Variants in IRAG2 observed in about 807,000 individuals in gnomAD.
The protein encoded by IRAG2 is lymphoid restricted membrane protein.
IRAG2 carries 45 observed loss-of-function variants against 69.9 expected under a neutral mutation model. The observed-to-expected ratio is 0.64, with a 90% CI of 0.51 to 0.83. The LOEUF (loss-of-function observed/expected upper bound fraction) is 0.83. IRAG2 is among the 40% of genes least tolerant of loss of function. The probability of loss-of-function intolerance (pLI) is 0.00; values close to 1 mark genes in which losing one functional copy is unlikely to be tolerated. For synonymous variants in IRAG2, 193 were observed against 202.4 expected, an observed-to-expected ratio of 0.95 and a Z score of 0.40; for missense variants, 520 against 587.0, an observed-to-expected ratio of 0.89 and a Z score of 1.18.
At chr12:25,013,247 C>A (rs532626049) in intron 3 of IRAG2, among the ~76,000 whole-genome samples, 1 of 152,146 alleles carries the variant, frequency 6.6e-6, no homozygotes, top group Non-Finnish European at 1.5e-5. Flanking sequence ...AAGGCCAAGG[C>A]GGGAGCATCA....
chr12:24,999,811 AT>A (rs1433548490), upstream of IRAG2, among the ~76,000 whole-genome samples: 16 of 138,326 alleles, frequency 1.2e-4, no homozygotes, highest in East Asian at 3.2e-3. Context: ...AGGTTGTCAG[AT>A]TTAGCTAAAA....
At chr12:25,004,602 A>G (rs1944416853) in exon 1 of IRAG2, 1 of 1,232,098 alleles carries the variant, frequency 8.1e-7, no homozygotes, top group East Asian at 3.2e-5. Flanking sequence ...CCTTCATTTC[A>G]TCGCCTCAAA....
At chr12:25,005,349 G>A (rs1047432025) in exon 2 of IRAG2, 14 of 1,210,614 alleles carry the variant, frequency 1.2e-5, no homozygotes, top group African/African-American at 4.7e-5. Flanking sequence ...GACATCAAAC[G>A]GAAAGGTAAG....
At chr12:25,037,860 T>C (rs1944714224) in intron 15 of IRAG2, 1 of 396,770 alleles carries the variant, frequency 2.5e-6, no homozygotes, top group Non-Finnish European at 4.4e-6. Context: ...ACATACAGTT[T>C]TGGCATCCAG....
chr12:25,101,386 T>C, intron 16 of IRAG2, 61 bp downstream of exon 16: 1 of 1,211,322 alleles, frequency 8.3e-7, no homozygotes, highest in South Asian at 1.8e-5. Context: ...TCTTTTTTGC[T>C]AAGTCTTATT....
At chr12:25,090,900 T>C (rs1948004861) in intron 14 of IRAG2, 1 of 449,360 alleles carries the variant, frequency 2.2e-6, no homozygotes, top group Admixed American at 2.4e-5. Flanking sequence ...TATTTCCATT[T>C]ATGATTAACT....
In IRAG2 at chr12:25,096,933, T is replaced by A; in HGVS notation, c.630T>A (p.Asp210Glu). The A allele has an allele frequency of 6.2e-7, 1 of 1,613,552 alleles. No individual in the cohort carries two copies. The highest frequency in any genetic ancestry group is 8.5e-7 in the Non-Finnish European group (1 of 1,179,730). Residue 210 changes from aspartate (D) to glutamate (E), a missense_variant, in exon 15 of 22, where the codon GAT (aspartate) becomes GAA (glutamate). Transcript: ENST00000556887. The part of the protein sequence containing the change: ...LLESLTPLCE[D>E]DNQAQEIIKK... ...AGTCTTTAACACCTCTGTGTGAAGA[T>A]GACAACCAGGCACAGGAAATCATTA...
At chr12:25,013,865 T>C (rs1290877946) in intron 3 of IRAG2, among the ~76,000 whole-genome samples, 50 of 125,424 alleles carry the variant, frequency 4.0e-4, no homozygotes, top group African/African-American at 1.3e-3. Context: ...GTTTTCTTTT[T>C]CTTTTTTTTT....
At chr12:25,043,336 TC>T (rs1284567646) in intron 16 of IRAG2, among the ~76,000 whole-genome samples, 1 of 152,206 alleles carries the variant, frequency 6.6e-6, no homozygotes, top group Non-Finnish European at 1.5e-5. Context: ...ATTTCAGCTT[TC>T]CTGGGGGCTG....
chr12:25,101,852 CT>C lies in IRAG2; in HGVS notation c.890-344del, dbSNP rs1187952795. 9 of 500,006 alleles carry C rather than the reference CT, an allele frequency of 1.8e-5. No homozygotes were observed. The East Asian group carries it at 4.7e-4, about 26-fold the overall frequency. The allele number at this position is 500,006 out of a possible 1,614,324, so 31.0% of individuals were successfully genotyped here. ...AATATGAACTTTTCTGAGCAGAATT[CT>C]TATTTCAAGAATCTGTTCCCTGTTC... On this transcript the variant is annotated intron_variant, in intron 16 of 21. Coordinates refer to ENST00000556887, the MANE Select transcript of IRAG2 (RefSeq NM_001366544.2).
intron 20 of IRAG2, among the ~76,000 whole-genome samples, chr12:25,105,584 ATG>A (rs1206485937): frequency 6.6e-6 from 1 of 151,994 alleles, no homozygotes; most frequent in Non-Finnish European, 1.5e-5. Context: ...AGCCTACTGC[ATG>A]TGTTACAAAC....
chr12:25,058,454 C>A (rs181584468), intron 1 of IRAG2, among the ~76,000 whole-genome samples: 1 of 152,134 alleles, frequency 6.6e-6, no homozygotes, highest in East Asian at 1.9e-4. Flanking sequence ...GGATATAAGT[C>A]CTTTGACAGA....
chr12:25,105,611 G>C (rs1949028949), intron 20 of IRAG2, among the ~76,000 whole-genome samples: 1 of 150,132 alleles, frequency 6.7e-6, no homozygotes, highest in Admixed American at 6.7e-5. Flanking sequence ...TTCAGATTTA[G>C]AGTTAACATA....
In IRAG2 at chr12:25,013,872, T is replaced by TC. The variant is rs1167040839; in HGVS notation, c.897-1310_897-1309insC. Reference sequence around the variant, plus strand: ...AATTTTTTGTTTTCTTTTTCTTTTTTTTTTTTTTTTTTTTTTTTTTGAGAC... The same window carrying TC: ...AATTTTTTGTTTTCTTTTTCTTTTTTCTTTTTTTTTTTTTTTTTTTTGAGAC... On this transcript the variant is annotated intron_variant, in intron 3 of 38. Coordinates refer to the IRAG2 transcript ENST00000636465. Among the ~76,000 whole-genome samples, 44 of 120,306 alleles carry TC rather than the reference T, an allele frequency of 3.7e-4. 1 individual carries two copies. The Middle Eastern group carries it at 0.012, about 32-fold the overall frequency. The allele number at this position is 120,306 out of a possible 152,430, so 78.9% of individuals were successfully genotyped here.
upstream of IRAG2, among the ~76,000 whole-genome samples, chr12:25,001,372 G>T (rs1591919181): frequency 6.6e-6 from 1 of 152,082 alleles, no homozygotes; most frequent in East Asian, 1.9e-4. Context: ...TTGAGCCTGG[G>T]GAGTTGGAGG....
intron 13 of IRAG2, 43 bp from the exon 14 acceptor site, chr12:25,090,014 G>GT (rs1193879127): frequency 1.3e-6 from 2 of 1,597,898 alleles, no homozygotes; most frequent in African/African-American, 1.3e-5. Context: ...ACCACATCCG[G>GT]TTTTCTCTCC....
upstream of IRAG2, among the ~76,000 whole-genome samples, chr12:25,048,958 C>T (rs1944819120): frequency 6.6e-6 from 1 of 152,090 alleles, no homozygotes; most frequent in Non-Finnish European, 1.5e-5. Flanking sequence ...AGGAAGGGGA[C>T]CAGTTTCAAT....
chr12:25,014,074 A>G (rs1397757516), intron 3 of IRAG2, among the ~76,000 whole-genome samples: 1 of 151,014 alleles, frequency 6.6e-6, no homozygotes, highest in African/African-American at 2.4e-5. Context: ...ACGGGGTTTC[A>G]CCGTGTTAGC....
chr12:25,043,240 C>T (rs1206257582), intron 16 of IRAG2, among the ~76,000 whole-genome samples: 1 of 152,154 alleles, frequency 6.6e-6, no homozygotes, highest in Non-Finnish European at 1.5e-5. Flanking sequence ...CCTAGCTTAG[C>T]GCCACGCCAA....
Sources: gnomAD v4.1 joint callset for allele counts (sites outside exome capture counted in the v4.1 genomes callset) on GRCh38, gnomAD v4.1.1 for gene constraint, MANE v1.5 for transcripts, NCBI Gene and HGNC (gene_info 2026-07-23, HGNC 2026-07-21) for gene names.